Variants in ACAP1 observed in about 807,000 individuals in gnomAD.
The protein encoded by ACAP1 is ArfGAP with coiled-coil, ankyrin repeat and PH domains 1, also known as arf-GAP with coiled-coil, ANK repeat and PH domain-containing protein 1.
A neutral mutation model predicts 98.8 loss-of-function variants in ACAP1; 45 were observed. The observed-to-expected ratio is 0.46, with a 90% CI of 0.36 to 0.58. The LOEUF (loss-of-function observed/expected upper bound fraction) is 0.58. ACAP1 is among the 20% of genes least tolerant of loss of function. The pLI is 0.00. For synonymous variants in ACAP1, 362 were observed against 375.3 expected, an observed-to-expected ratio of 0.96 and a Z score of 0.41; for missense variants, 735 against 971.4, an observed-to-expected ratio of 0.76 and a Z score of 3.24.
At position 7,336,713 on chromosome 17, in the gene ACAP1, G is replaced by T. The variant is rs372268892; in HGVS notation, c.-22G>T. 4 of 1,613,630 alleles carry T rather than the reference G, an allele frequency of 2.5e-6. No individual in the cohort carries two copies. The highest frequency in any genetic ancestry group is 3.4e-6 in the Non-Finnish European group (4 of 1,179,800). ...GGGGCCCGGCCTCCAGGGCCCGCTGGCCCCACAGCAGGCAAGCTGAGATGA... is the reference window on the plus strand; with the variant it reads ...GGGGCCCGGCCTCCAGGGCCCGCTGTCCCCACAGCAGGCAAGCTGAGATGA... On this transcript the variant is annotated 5_prime_UTR_variant, in exon 1 of 22. Transcript: ENST00000158762.
At chr17:7,347,503 G>A in intron 14 of ACAP1, 1 of 522,526 alleles carries the variant, frequency 1.9e-6, no homozygotes, top group East Asian at 3.2e-5. Flanking sequence ...AGAAGTGTGG[G>A]GTCAAGGCTG....
In ACAP1 at chr17:7,347,931, T is replaced by A. The variant is rs778047745; in HGVS notation, c.1353T>A (p.Gly451=). ...CCCTCTGGCCCTCCAGGAGCCTTGG[T>A]GTTCACTTCTCCAAAGTCCGGTCTC... ...IQCSGIHRSL[G]VHFSKVRSLT... is the part of the protein sequence containing the mutation. The change falls in exon 15 of 22, where the codon GGT becomes GGA. Residue 451 remains glycine (G), a synonymous_variant. Transcript: ENST00000158762. 6.2e-7 allele frequency: 1 copy of A among 1,614,176 alleles called. No homozygotes were observed. The highest frequency in any genetic ancestry group is 1.7e-5 in the Admixed American group (1 of 60,028).
At chr17:7,338,090 C>A (rs1309342473) in intron 2 of ACAP1, among the ~76,000 whole-genome samples, 2 of 152,098 alleles carry the variant, frequency 1.3e-5, no homozygotes, top group African/African-American at 4.8e-5. Flanking sequence ...ATTCCCCTTA[C>A]TTCGCTTTAC....
intron 3 of ACAP1, 99 bp from the exon 4 acceptor site, chr17:7,342,176 T>C: frequency 6.2e-7 from 1 of 1,606,542 alleles, no homozygotes; most frequent in East Asian, 2.2e-5. Flanking sequence ...ACAGCAGGGC[T>C]GGGCTGCTGT....
Position 7,351,300 on chromosome 17 carries a change from G to A in ACAP1, c.2128G>A (p.Glu710Lys). Residue 710 changes from glutamate to lysine, a missense_variant, in exon 22 of 22, where the codon GAG (glutamate) becomes AAG (lysine). This residue lies in a region of ACAP1 where 142 missense variants were observed against 224.1 expected (regional missense o/e 0.63). Transcript: ENST00000158762. ...AEAAQGQAGD[E>K]TYLDIFRDFS... is the part of the protein sequence containing the mutation. ...GCCTTTCCTCCCTCCCCCAGGAGAT[G>A]AGACGTATCTTGACATCTTCCGCGA... The A allele has an allele frequency of 2.5e-6, 4 of 1,613,024 alleles. No individual in the cohort carries two copies. Among genetic ancestry groups the A allele is most frequent in the Non-Finnish European group, 2.5e-6 (3 of 1,179,268 alleles).
intron 2 of ACAP1, among the ~76,000 whole-genome samples, chr17:7,339,710 T>G (rs2073257253): frequency 6.6e-6 from 1 of 152,186 alleles, no homozygotes; most frequent in Non-Finnish European, 1.5e-5. Flanking sequence ...TTGCATATAC[T>G]CTTTTTTGGT....
intron 21 of ACAP1, 101 bp from the exon 22 acceptor site, chr17:7,351,194 C>G: frequency 8.5e-7 from 1 of 1,180,510 alleles, no homozygotes; most frequent in Non-Finnish European, 1.2e-6. Context: ...ACGTTCCCAC[C>G]CAGGCTCGGA....
chr17:7,344,756 A>G lies in ACAP1; in HGVS notation c.854+108A>G. 2 of 743,366 alleles carry G rather than the reference A, an allele frequency of 2.7e-6. No individual in the cohort carries two copies. The highest frequency in any genetic ancestry group is 3.5e-5 in the South Asian group (2 of 57,930). 46.0% of individuals were successfully genotyped at this position (743,366 alleles called of 1,614,324 possible). ...AAAAACAGACGAACCCCCCTGCCTC[A>G]GTAGAGTTTCATTCCATCAGCAAAG... On this transcript the variant is annotated intron_variant, in intron 10 of 21. Transcript: ENST00000158762. The surrounding 1 kb of genome is among the most constrained non-coding windows in gnomAD (Gnocchi z 4.9).
chr17:7,344,149 C>T lies in ACAP1; in HGVS notation c.744+26C>T, dbSNP rs1183297034. 6.4e-6 allele frequency: 10 copies of T among 1,553,028 alleles called. No homozygotes were observed. Among genetic ancestry groups the T allele is most frequent in the African/African-American group, 2.7e-5 (2 of 73,032 alleles). On this transcript the variant is annotated intron_variant, in intron 9 of 21. Transcript: ENST00000158762. The surrounding 1 kb of genome is among the most constrained non-coding windows in gnomAD (Gnocchi z 4.9). ...GTGAGGGGCCAGGTGCGGTGGCCCA[C>T]GACCGTCATCCCAACATGTTGGGAG... is the stretch of plus-strand genomic sequence containing the variant.
chr17:7,349,095 C>A lies in ACAP1; in HGVS notation c.1779C>A (p.Ala593=). The change falls in exon 18 of 22, where the codon GCC becomes GCA. Residue 593 remains alanine, a synonymous_variant. Transcript: ENST00000158762. ...TTCCCACCATGGCTGATGCCCTTGC[C>A]CATGGAGCTGATGTCAACTGGGTCA... ...PSLPTMADAL[A]HGADVNWVNG... 6.2e-7 allele frequency: 1 copy of A among 1,614,054 alleles called. No homozygotes were observed. The highest frequency in any genetic ancestry group is 1.3e-5 in the African/African-American group (1 of 74,992).
Position 7,350,127 on chromosome 17 carries a change from G to T in ACAP1, c.1962G>T (p.Gly654=). 3 of 1,614,186 alleles carry T rather than the reference G, an allele frequency of 1.9e-6. No individual in the cohort carries two copies. The highest frequency in any genetic ancestry group is 2.5e-6 in the Non-Finnish European group (3 of 1,180,004). The change falls in exon 20 of 22, where the codon GGG becomes GGT. Residue 654 remains glycine, a splice_region_variant and synonymous_variant. Coordinates refer to ENST00000158762, the MANE Select transcript of ACAP1 (RefSeq NM_014716.4). The surrounding 1 kb of genome is among the most constrained non-coding windows in gnomAD (Gnocchi z 4.6). ...LHHATILGHT[G]LACLFLKRGA... ...GGCTGACCCTGGCTCTTCTCTCCAGGCTCGCCTGCCTGTTCCTGAAACGGG... is the reference window on the plus strand; with the variant it reads ...GGCTGACCCTGGCTCTTCTCTCCAGTCTCGCCTGCCTGTTCCTGAAACGGG...
chr17:7,348,538 G>A lies in ACAP1; in HGVS notation c.1678+63G>A, dbSNP rs1022832126. Reference sequence around the variant, plus strand: ...TGTGCTCGGCATCGTGCCAGGTAGCGCCGGGAGGCACAGAGTGTGAAGCCC... The same window carrying A: ...TGTGCTCGGCATCGTGCCAGGTAGCACCGGGAGGCACAGAGTGTGAAGCCC... On this transcript the variant is annotated intron_variant, in intron 17 of 21. Coordinates refer to ENST00000158762, the MANE Select transcript of ACAP1 (RefSeq NM_014716.4). The A allele has an allele frequency of 3.4e-5, 49 of 1,430,194 alleles. No homozygotes were observed. The African/African-American group carries it at 4.6e-4, about 13-fold the overall frequency. 88.6% of individuals were successfully genotyped at this position (1,430,194 alleles called of 1,614,324 possible).
chr17:7,336,609 C>A lies in ACAP1; in HGVS notation c.-126C>A. ...GGGGAAAGAATTGTGCCCCCAGGCC[C>A]TTCCCCGCGGAGGTCCCTCTCCTCC... On this transcript the variant is annotated 5_prime_UTR_variant, in exon 1 of 22. Coordinates refer to ENST00000158762, the MANE Select transcript of ACAP1 (RefSeq NM_014716.4). 1.0e-6 allele frequency: 1 copy of A among 987,666 alleles called. No individual in the cohort carries two copies. The highest frequency in any genetic ancestry group is 1.6e-6 in the Non-Finnish European group (1 of 628,084). 61.2% of individuals were successfully genotyped at this position (987,666 alleles called of 1,614,324 possible).
rs776927412 is a variant in ACAP1 at position 7,347,057 on chromosome 17, T to A, written c.1158T>A (p.Ser386=). The A allele has an allele frequency of 7.6e-5, 122 of 1,604,276 alleles. 3 individuals are homozygous for A. The South Asian group carries it at 1.3e-3, about 18-fold the overall frequency. Reference sequence around the variant, plus strand: ...GCTCAGGACACCTGGCCATAGGCTCTGCTGCCACCCTGGGCTCTGGTGGAA... The same window carrying A: ...GCTCAGGACACCTGGCCATAGGCTCAGCTGCCACCCTGGGCTCTGGTGGAA... ...GQGSGHLAIG[S]AATLGSGGMA... is the part of the protein sequence containing the mutation. Residue 386 remains serine, a synonymous_variant, in exon 14 of 22, where the codon TCT becomes TCA. Coordinates refer to ENST00000158762, the MANE Select transcript of ACAP1 (RefSeq NM_014716.4).
At chr17:7,341,404 G>A (rs2073276765) in intron 2 of ACAP1, among the ~76,000 whole-genome samples, 1 of 152,220 alleles carries the variant, frequency 6.6e-6, no homozygotes, top group South Asian at 2.1e-4. Flanking sequence ...ACCATGCCTG[G>A]CTAATTTTTG....
rs781181391 is a variant in ACAP1 at position 7,343,792 on chromosome 17, G to A, written c.573+42G>A. On this transcript the variant is annotated intron_variant, in intron 7 of 21. Transcript: ENST00000158762. The surrounding 1 kb of genome is among the most constrained non-coding windows in gnomAD (Gnocchi z 4.9). ...GTGAGGGCAGGGTGGAGAAGAGCCT[G>A]CTGCCAGCACAAGGGAATGGGGAGA... is the stretch of plus-strand genomic sequence containing the variant. 2 of 1,613,194 alleles carry A rather than the reference G, an allele frequency of 1.2e-6. No individual in the cohort carries two copies. The highest frequency in any genetic ancestry group is 4.5e-5 in the East Asian group (2 of 44,878).
Position 7,344,057 on chromosome 17 carries a change from G to C in ACAP1, c.678G>C (p.Gln226His). The change falls in exon 9 of 22, where the codon CAG becomes CAC. Residue 226 changes from glutamine (Q) to histidine (H), a missense_variant. Gln to His is a conservative substitution (Grantham distance 24). Transcript: ENST00000158762. This position sits in a 1 kb window ranked among gnomAD's most constrained non-coding sequence, Gnocchi z 4.9. ...GCCCTTCCTGTGCCCAGTTGCACCA[G>C]CTGGTCTTGAATTCAGCACGAGAGA... ...YRKELGAQLHQLVLNSAREKR... is the reference protein window; with the variant it reads ...YRKELGAQLHHLVLNSAREKR... 1 of 1,592,650 alleles carries C rather than the reference G, an allele frequency of 6.3e-7. No individual in the cohort carries two copies. The highest frequency in any genetic ancestry group is 8.6e-7 in the Non-Finnish European group (1 of 1,168,916).
In ACAP1 at chr17:7,350,350, C is replaced by A; in HGVS notation, c.2072+113C>A. 1 of 862,260 alleles carries A rather than the reference C, an allele frequency of 1.2e-6. No homozygotes were observed. The highest frequency in any genetic ancestry group is 1.7e-5 in the South Asian group (1 of 58,430). The allele number at this position is 862,260 out of a possible 1,614,324, so 53.4% of individuals were successfully genotyped here. ...CGAAACAGAAGCCTGTGCTGTGGGG[C>A]CTCGGAAAGGGGCTGGGCCAGCGCC... On this transcript the variant is annotated intron_variant, in intron 20 of 21. Transcript: ENST00000158762. This position sits in a 1 kb window ranked among gnomAD's most constrained non-coding sequence, Gnocchi z 4.6.
chr17:7,346,975 GGGGCACCCTTTACCCTAGGCCCCTT>G (rs1244818751), intron 13 of ACAP1, 31 bp from the exon 14 acceptor site: 10 of 1,589,292 alleles, frequency 6.3e-6, no homozygotes, highest in East Asian at 2.3e-5. Context: ...CTGTGGAGAT[GGGGCACCCTTTACCCTAGGCCCCTT>G]GGCCACCCTT....
Sources: allele counts gnomAD v4.1 joint callset (sites outside exome capture counted in the v4.1 genomes callset), GRCh38; gene constraint gnomAD v4.1.1; regional missense constraint gnomAD v4.1.1; non-coding constraint Gnocchi (gnomAD v3.1); transcripts MANE v1.5; gene names NCBI Gene and HGNC (gene_info 2026-07-23, HGNC 2026-07-21).